Variants in ABCB4 observed in about 807,000 individuals in gnomAD.
ABCB4 encodes ATP binding cassette subfamily B member 4, also known as phosphatidylcholine translocator ABCB4.
Under a neutral mutation model 145.7 loss-of-function variants are expected in ABCB4, and 76 were observed. The ratio of observed to expected loss-of-function variants is 0.52; its 90% CI spans 0.43 to 0.63. The LOEUF (loss-of-function observed/expected upper bound fraction) is 0.63. ABCB4 is among the 30% of genes least tolerant of loss of function. The pLI is 0.00. For synonymous variants in ABCB4, 517 were observed against 566.8 expected (o/e 0.91, Z 1.25); for missense variants, 1,234 against 1,553.1 (o/e 0.79, Z 3.45).
the ABCB4 span, among the ~76,000 whole-genome samples, chr7:87,389,100 G>A: frequency 2.6e-5 from 4 of 152,084 alleles, no homozygotes; most frequent in East Asian, 3.9e-4. Flanking sequence ...TTAGAATGGC[G>A]ATCATTAAAA....
the ABCB4 span, among the ~76,000 whole-genome samples, chr7:87,386,875 T>C: frequency 1.3e-5 from 2 of 152,182 alleles, no homozygotes; most frequent in Non-Finnish European, 2.9e-5. Context: ...TTAGGATTTT[T>C]TTACCCTATA....
the ABCB4 span, among the ~76,000 whole-genome samples, chr7:87,370,912 A>G: frequency 6.6e-6 from 1 of 152,228 alleles, no homozygotes; most frequent in Non-Finnish European, 1.5e-5. Context: ...AGTTTTCCAA[A>G]GTAGTTATGT....
intron 14 of ABCB4, among the ~76,000 whole-genome samples, chr7:87,437,742 C>A (rs1364454171): frequency 6.6e-6 from 1 of 152,174 alleles, no homozygotes; most frequent in African/African-American, 2.4e-5. Context: ...AAGGACACAG[C>A]TAGAAAAGAA....
At position 87,475,515 on chromosome 7, in the gene ABCB4, G is replaced by T. The variant is rs375260707; in HGVS notation, c.-6-44C>A. On this transcript the variant is annotated intron_variant, in intron 1 of 27. Coordinates refer to ENST00000649586, the MANE Select transcript of ABCB4 (RefSeq NM_000443.4). Reference sequence around the variant, plus strand: ...CTCAGAACCAAGTACACCCTCTCCGGCGGCCCGGCGCACGAGTCGCGGGGC... The same window carrying T: ...CTCAGAACCAAGTACACCCTCTCCGTCGGCCCGGCGCACGAGTCGCGGGGC... The T allele has an allele frequency of 3.2e-5, 51 of 1,602,056 alleles. No individual in the cohort carries two copies. In the African/African-American group the frequency reaches 5.4e-4, roughly 17 times the overall value.
chr7:87,434,943 T>C (rs1810512533), intron 14 of ABCB4, among the ~76,000 whole-genome samples: 1 of 152,180 alleles, frequency 6.6e-6, no homozygotes, highest in African/African-American at 2.4e-5. Context: ...TAAAAATAAG[T>C]AGGTAACTAC....
chr7:87,397,359 A>AG (rs1295066563), downstream of ABCB4, among the ~76,000 whole-genome samples: 4 of 151,826 alleles, frequency 2.6e-5, no homozygotes, highest in Non-Finnish European at 5.9e-5. Flanking sequence ...TCAAAAAAAA[A>AG]AAAAGTATTT....
At chr7:87,422,047 G>A in intron 18 of ABCB4, 74 bp downstream of exon 18, 3 of 1,070,448 alleles carry the variant, frequency 2.8e-6, no homozygotes, top group Admixed American at 2.1e-5. Context: ...GAATTTGGAA[G>A]CTCCATTAGG....
At chr7:87,451,536 G>C in intron 7 of ABCB4, 87 bp downstream of exon 7, 1 of 1,445,736 alleles carries the variant, frequency 6.9e-7, no homozygotes, top group South Asian at 1.2e-5. Flanking sequence ...ATGTAGACCT[G>C]AACAGGTACA....
At chr7:87,419,852 A>G (rs1442881731) in intron 19 of ABCB4, 146 bp downstream of exon 19, 1 of 864,020 alleles carries the variant, frequency 1.2e-6, no homozygotes, top group Non-Finnish European at 2.0e-6. Flanking sequence ...TTGAAGGACC[A>G]GGACAATTTG....
At chr7:87,452,738 A>G (rs753812276) in intron 6 of ABCB4, 6 of 627,666 alleles carry the variant, frequency 9.6e-6, no homozygotes, top group Non-Finnish European at 1.7e-5. Context: ...TCAGTCCTCA[A>G]ATAAACCTAC....
At chr7:87,454,617 A>C in intron 4 of ABCB4, 25 bp from the exon 5 acceptor site, 1 of 1,548,126 alleles carries the variant, frequency 6.5e-7, no homozygotes, top group Non-Finnish European at 8.9e-7. Flanking sequence ...AAAATAAAAC[A>C]TGTTAAAAGA....
intron 9 of ABCB4, 75 bp downstream of exon 9, chr7:87,446,959 A>C: frequency 1.1e-5 from 15 of 1,348,390 alleles, no homozygotes; most frequent in Non-Finnish European, 1.6e-5. Flanking sequence ...AAAAGGAGCG[A>C]TATCAAAGAA....
At chr7:87,375,703 A>C in the ABCB4 span, 1 of 1,613,632 alleles carries the variant, frequency 6.2e-7, no homozygotes, top group Non-Finnish European at 8.5e-7. Context: ...TTAACTAGTG[A>C]GGAGCGAACT....
intron 3 of ABCB4, 133 bp from the exon 4 acceptor site, chr7:87,463,041 G>T: frequency 2.7e-6 from 2 of 745,584 alleles, no homozygotes; most frequent in South Asian, 1.9e-5. Flanking sequence ...TAGAAAAGGA[G>T]GCCTTCAAAT....
At chr7:87,451,503 G>A (rs1037995593) in intron 7 of ABCB4, 120 bp downstream of exon 7, 5 of 1,016,486 alleles carry the variant, frequency 4.9e-6, no homozygotes, top group Non-Finnish European at 7.5e-6. Flanking sequence ...CATGTTACTG[G>A]ATGTAGTTTC....
intron 4 of ABCB4, among the ~76,000 whole-genome samples, chr7:87,462,017 A>G (rs1203371120): frequency 6.6e-6 from 1 of 152,202 alleles, no homozygotes; most frequent in East Asian, 1.9e-4. Context: ...CAGTGCCCAC[A>G]AGGTCTCTTA....
intron 8 of ABCB4, chr7:87,448,839 T>C (rs776566643): frequency 6.6e-6 from 1 of 152,154 alleles, no homozygotes; most frequent in Admixed American, 6.6e-5. Context: ...GGAAACTTTG[T>C]TTTTAATGCT....
downstream of ABCB4, chr7:87,398,411 C>A: frequency 7.6e-7 from 1 of 1,315,150 alleles, no homozygotes; most frequent in Non-Finnish European, 1.1e-6. Context: ...CTAATGTCAG[C>A]AAGACTTCAC....
Position 87,411,948 on chromosome 7 carries a change from G to A in ABCB4, c.2869C>T (p.Arg957Ter), listed in dbSNP as rs121918440. Residue 957 changes from arginine to a stop codon, truncating the protein, a stop_gained, in exon 23 of 28, where the codon CGA becomes TGA. Transcript: ENST00000649586. LOFTEE classifies it high-confidence loss of function. ...TTCACAATGAGATATGCACCAAATC[G>A]AAAACAACCGGCATAGGAAAAATAC... The part of the protein sequence containing the change: ...FMYFSYAGCF[R>*]FGAYLIVNGH... The A allele has an allele frequency of 3.7e-6, 6 of 1,613,706 alleles. No individual in the cohort carries two copies. In the African/African-American group the frequency reaches 4.0e-5, roughly 11 times the overall value.
Sources: gnomAD v4.1 joint callset for allele counts (sites outside exome capture counted in the v4.1 genomes callset) on GRCh38, gnomAD v4.1.1 for gene constraint, MANE v1.5 for transcripts, NCBI Gene and HGNC (gene_info 2026-07-23, HGNC 2026-07-21) for gene names.